The following DNAH11 variants were observed in gnomAD, a reference collection of about 807,000 sequenced individuals.
The protein encoded by DNAH11 is axonemal beta dynein heavy chain 11.
A neutral mutation model predicts 526.0 loss-of-function variants in DNAH11; 442 were observed. The observed-to-expected ratio is 0.84, with a 90% confidence interval of 0.78 to 0.91. The LOEUF is 0.91. Ranked by LOEUF, DNAH11 falls within the 40% of genes least tolerant of loss-of-function variation. The probability of loss-of-function intolerance (pLI) is 0.00; values close to 1 mark genes in which losing one functional copy is unlikely to be tolerated. For synonymous variants in DNAH11, 2,461 were observed against 1,935.9 expected (o/e 1.27, Z -7.12); for missense variants, 6,989 against 5,448.7 (o/e 1.28, Z -8.90).
At position 21,866,552 on chromosome 7, in the gene DNAH11, C is replaced by G; in HGVS notation, c.11579C>G (p.Ser3860Cys). 1 of 1,613,700 alleles carries G rather than the reference C, an allele frequency of 6.2e-7. No individual in the cohort carries two copies. Among genetic ancestry groups the G allele is most frequent in the East Asian group, 2.2e-5 (1 of 44,860 alleles). ...SAKQWRKWVE[S>C]ECPEKEKLPQ... Reference sequence around the variant, plus strand: ...AAGCAGTGGAGGAAGTGGGTAGAATCCGAGTGTCCAGAAAAAGAAAAATTA... The same window carrying G: ...AAGCAGTGGAGGAAGTGGGTAGAATGCGAGTGTCCAGAAAAAGAAAAATTA... The change falls in exon 71 of 82, where the codon TCC becomes TGC. Residue 3860 changes from serine to cysteine, a missense_variant. By Grantham distance (112) the Ser-to-Cys change is moderately radical. Coordinates refer to ENST00000409508, the MANE Select transcript of DNAH11 (RefSeq NM_001277115.2).
chr7:21,584,810 ATCT>A (rs1784429430), intron 9 of DNAH11, among the ~76,000 whole-genome samples: 1 of 152,088 alleles, frequency 6.6e-6, no homozygotes, highest in African/African-American at 2.4e-5. Flanking sequence ...CTCTACTGTA[ATCT>A]TCTTCACTTA....
chr7:21,561,126 G>T lies in DNAH11; in HGVS notation c.938G>T (p.Ser313Ile), dbSNP rs1388667729. ...AAGATCCTGACAACTAAACAAAGCA[G>T]CTATTTTCCTACTCTGAAGGACATT... is the stretch of plus-strand genomic sequence containing the variant. Reference protein sequence around the residue: ...MVKILTTKQSSYFPTLKDIFL... With the variant: ...MVKILTTKQSIYFPTLKDIFL... Residue 313 changes from serine to isoleucine, a missense_variant, in exon 5 of 82, where the codon AGC (serine) becomes ATC (isoleucine). Transcript: ENST00000409508. 41 of 1,604,594 alleles carry T rather than the reference G, an allele frequency of 2.6e-5. No homozygotes were observed. Among genetic ancestry groups the T allele is most frequent in the Non-Finnish European group, 3.3e-5 (39 of 1,175,424 alleles).
At chr7:21,627,109 G>T (rs573447613) in intron 25 of DNAH11, among the ~76,000 whole-genome samples, 1 of 151,804 alleles carries the variant, frequency 6.6e-6, no homozygotes, top group African/African-American at 2.4e-5. Context: ...ATCAGATTGG[G>T]GTTTTGTTTT....
At chr7:21,780,320 G>A (rs913697909) in intron 57 of DNAH11, among the ~76,000 whole-genome samples, 6 of 152,216 alleles carry the variant, frequency 3.9e-5, no homozygotes, top group African/African-American at 1.4e-4. Context: ...AGAGGCAGGA[G>A]GATAGCTTCA....
chr7:21,888,921 C>T (rs900486898), intron 76 of DNAH11, among the ~76,000 whole-genome samples: 10 of 151,800 alleles, frequency 6.6e-5, no homozygotes. Flanking sequence ...TAACATTTAC[C>T]AATTTAAATT....
intron 65 of DNAH11, among the ~76,000 whole-genome samples, chr7:21,834,506 A>G (rs1308037996): frequency 6.6e-6 from 1 of 152,176 alleles, no homozygotes. Context: ...AAAACAAAAT[A>G]GAGAATAAAA....
At chr7:21,769,013 A>G (rs562565934) in intron 55 of DNAH11, among the ~76,000 whole-genome samples, 2 of 152,220 alleles carry the variant, frequency 1.3e-5, no homozygotes, top group South Asian at 4.1e-4. Context: ...AAAGAAATAT[A>G]AATTAGGATT....
chr7:21,588,304 A>G, intron 10 of DNAH11, 103 bp downstream of exon 10: 1 of 1,420,704 alleles, frequency 7.0e-7, no homozygotes, highest in Non-Finnish European at 9.4e-7. Flanking sequence ...AGATATAGGC[A>G]CTACATTTTT....
At chr7:21,767,411 G>C (rs772831957) in intron 55 of DNAH11, among the ~76,000 whole-genome samples, 1 of 152,122 alleles carries the variant, frequency 6.6e-6, no homozygotes, top group Non-Finnish European at 1.5e-5. Flanking sequence ...CCAGGTGGGT[G>C]CCACTTTGAA....
At position 21,606,421 on chromosome 7, in the gene DNAH11, T is replaced by C. The variant is rs1447144756; in HGVS notation, c.3649-5T>C. ...AATTTCGCATTTGTGCCTTTGCTTTTGCAGGAATTACCTGAAAGATGGGAA... is the reference window on the plus strand; with the variant it reads ...AATTTCGCATTTGTGCCTTTGCTTTCGCAGGAATTACCTGAAAGATGGGAA... On this transcript the variant is annotated splice_polypyrimidine_tract_variant and splice_region_variant and intron_variant, in intron 18 of 81. Coordinates refer to ENST00000409508, the MANE Select transcript of DNAH11 (RefSeq NM_001277115.2). 2.5e-6 allele frequency: 4 copies of C among 1,604,538 alleles called. No homozygotes were observed. The highest frequency in any genetic ancestry group is 2.7e-5 in the African/African-American group (2 of 74,528).
intron 64 of DNAH11, among the ~76,000 whole-genome samples, chr7:21,817,843 TG>T (rs1472756435): frequency 6.6e-6 from 1 of 150,860 alleles, no homozygotes; most frequent in Non-Finnish European, 1.5e-5. Context: ...AATAAAAGTT[TG>T]ATCAAGTTTA....
intron 67 of DNAH11, 44 bp downstream of exon 67, chr7:21,852,675 C>T (rs764603135): frequency 2.1e-5 from 32 of 1,517,988 alleles, no homozygotes; most frequent in Admixed American, 4.4e-5. Context: ...ATGCTCTGTT[C>T]GAATGAGACA....
chr7:21,785,710 A>G (rs1038965378), intron 58 of DNAH11, among the ~76,000 whole-genome samples: 29 of 152,180 alleles, frequency 1.9e-4, no homozygotes, highest in Admixed American at 1.2e-3. Flanking sequence ...TGTATAAGTT[A>G]TAAAAGAATC....
At chr7:21,866,784 G>A (rs1783299250) in intron 71 of DNAH11, 121 bp downstream of exon 71, 3 of 1,094,002 alleles carry the variant, frequency 2.7e-6, no homozygotes, top group Admixed American at 3.0e-5. Context: ...TGATTCTGCT[G>A]AGATTTTGAT....
rs114583850 is a variant in DNAH11 at position 21,850,042 on chromosome 7, A to T, written c.10897-2425A>T. ...CATACTGATTCTTGTCACTGTGTCTAGTTTACTCATGAGCCCGTCAAAAAC... is the reference window on the plus strand; with the variant it reads ...CATACTGATTCTTGTCACTGTGTCTTGTTTACTCATGAGCCCGTCAAAAAC... On this transcript the variant is annotated intron_variant, in intron 66 of 81. Transcript: ENST00000409508. Among the ~76,000 whole-genome samples the T allele has an allele frequency of 2.0e-5, 3 of 149,514 alleles. No individual in the cohort carries two copies. The East Asian group carries it at 5.8e-4, about 29-fold the overall frequency.
intron 74 of DNAH11, among the ~76,000 whole-genome samples, chr7:21,874,428 C>G (rs943812754): frequency 6.6e-6 from 1 of 151,954 alleles, no homozygotes; most frequent in Non-Finnish European, 1.5e-5. Flanking sequence ...CTCAGCCTCC[C>G]AGGTTGAAGC....
chr7:21,876,553 T>C (rs181613506), intron 74 of DNAH11, among the ~76,000 whole-genome samples: 132 of 152,364 alleles, frequency 8.7e-4, no homozygotes, highest in South Asian at 2.1e-3. Context: ...CAGTGGCTTA[T>C]ACAAGGTCAA....
At chr7:21,779,918 C>T (rs1583686787) in intron 57 of DNAH11, among the ~76,000 whole-genome samples, 1 of 152,030 alleles carries the variant, frequency 6.6e-6, no homozygotes, top group Non-Finnish European at 1.5e-5. Context: ...ATTCTCACAG[C>T]CATTGAATCG....
chr7:21,837,596 G>C (rs1445907325), intron 65 of DNAH11, among the ~76,000 whole-genome samples: 1 of 152,072 alleles, frequency 6.6e-6, no homozygotes, highest in Admixed American at 6.5e-5. Context: ...GGTGGGGAGA[G>C]ATTGGTCAAT....
Sources: gnomAD v4.1 joint callset for allele counts (sites outside exome capture counted in the v4.1 genomes callset) on GRCh38, gnomAD v4.1.1 for gene constraint, MANE v1.5 for transcripts, NCBI Gene and HGNC (gene_info 2026-07-23, HGNC 2026-07-21) for gene names.